Variants in GNAL observed in about 807,000 individuals in gnomAD.
The protein encoded by GNAL is G protein subunit alpha L, also known as guanine nucleotide-binding protein G(olf) subunit alpha.
Under a neutral mutation model 55.1 loss-of-function variants are expected in GNAL, and 18 were observed. The ratio of observed to expected loss-of-function variants is 0.33; its 90% CI spans 0.23 to 0.48. GNAL has a LOEUF of 0.48. GNAL is among the 20% of genes least tolerant of loss of function. The pLI is 0.99. For synonymous variants in GNAL, 253 were observed against 237.0 expected (o/e 1.07, Z -0.62); for missense variants, 412 against 614.1 (o/e 0.67, Z 3.48).
At chr18:11,737,444 C>T (rs911654860) in intron 1 of GNAL, among the ~76,000 whole-genome samples, 1 of 152,198 alleles carries the variant, frequency 6.6e-6, no homozygotes. Context: ...TTCCAAGTCT[C>T]TCTGAATGTT....
chr18:11,785,703 TC>T (rs1396812913), intron 4 of GNAL, among the ~76,000 whole-genome samples: 4 of 152,176 alleles, frequency 2.6e-5, no homozygotes, highest in Admixed American at 2.6e-4. Flanking sequence ...TAAATTGGGT[TC>T]AGGCCGGTGT....
chr18:11,727,071 G>A (rs561829030), intron 1 of GNAL, among the ~76,000 whole-genome samples: 24 of 152,006 alleles, frequency 1.6e-4, no homozygotes, highest in Non-Finnish European at 2.5e-4. Flanking sequence ...GCCCTAGTCC[G>A]CGCTGGGTGC....
chr18:11,717,007 G>C (rs192560194), intron 1 of GNAL, among the ~76,000 whole-genome samples: 1 of 152,352 alleles, frequency 6.6e-6, no homozygotes, highest in Non-Finnish European at 1.5e-5. Flanking sequence ...GGCGGCGCTG[G>C]TCAGGGAGGC....
intron 4 of GNAL, among the ~76,000 whole-genome samples, chr18:11,756,513 A>G (rs2033060827): frequency 6.6e-6 from 1 of 151,382 alleles, no homozygotes; most frequent in African/African-American, 2.4e-5. Context: ...ATGAGAGTAT[A>G]TTTTATATAT....
chr18:11,769,559 T>C (rs2033567633), intron 4 of GNAL, among the ~76,000 whole-genome samples: 1 of 152,204 alleles, frequency 6.6e-6, no homozygotes, highest in Non-Finnish European at 1.5e-5. Context: ...ATGAAGAGCA[T>C]CATCTTTTAG....
chr18:11,768,661 G>A (rs1250767431), intron 4 of GNAL, among the ~76,000 whole-genome samples: 12 of 150,654 alleles, frequency 8.0e-5, no homozygotes, highest in African/African-American at 2.0e-4. Flanking sequence ...TTGGGAGGCC[G>A]AGGCGGGCGG....
chr18:11,864,466 T>C (rs2036216179), intron 6 of GNAL, 67 bp from the exon 7 acceptor site: 3 of 828,056 alleles, frequency 3.6e-6, no homozygotes, highest in Middle Eastern at 2.2e-4. Context: ...GGTATAGTTA[T>C]ACCCGGGCTT....
intron 4 of GNAL, among the ~76,000 whole-genome samples, chr18:11,772,071 A>G (rs1358861385): frequency 6.6e-6 from 1 of 152,122 alleles, no homozygotes; most frequent in African/African-American, 2.4e-5. Flanking sequence ...CATCATACAA[A>G]TCATTTCAAG....
intron 5 of GNAL, 133 bp from the exon 6 acceptor site, chr18:11,862,262 G>C: frequency 1.6e-6 from 1 of 616,436 alleles, no homozygotes; most frequent in East Asian, 2.7e-5. Context: ...AGGAAACAAA[G>C]TAAGAACTCA....
chr18:11,712,315 T>G (rs189491619), intron 1 of GNAL, among the ~76,000 whole-genome samples: 16 of 152,384 alleles, frequency 1.0e-4, no homozygotes, highest in African/African-American at 3.6e-4. Context: ...GGCACTGTGC[T>G]GTGCCAGCTT....
chr18:11,714,822 T>C (rs953036935), intron 1 of GNAL, among the ~76,000 whole-genome samples: 3 of 152,124 alleles, frequency 2.0e-5, no homozygotes, highest in African/African-American at 7.2e-5. Flanking sequence ...GCATAGTGAG[T>C]TTAGGGTCCC....
At chr18:11,699,717 G>A (rs754601432) in intron 1 of GNAL, among the ~76,000 whole-genome samples, 16 of 152,134 alleles carry the variant, frequency 1.1e-4, no homozygotes, top group Non-Finnish European at 1.6e-4. Flanking sequence ...GACAGACAGC[G>A]CACAGAGGAC....
chr18:11,839,622 G>C, intron 5 of GNAL, among the ~76,000 whole-genome samples: 1 of 150,032 alleles, frequency 6.7e-6, no homozygotes, highest in East Asian at 2.0e-4. Flanking sequence ...CTTCATAGCA[G>C]CATTATTCAC....
chr18:11,751,926 G>A lies in GNAL; in HGVS notation c.377-927G>A, dbSNP rs1044542098. On this transcript the variant is annotated intron_variant, in intron 1 of 11. Transcript: ENST00000334049. This position sits in a 1 kb window ranked among gnomAD's most constrained non-coding sequence, Gnocchi z 4.5. ...GCCGGCCCGGCAGGTGCCCATCGTC[G>A]CCCTCTGGGACCCCGGTGGCGCGCT... 2.0e-5 allele frequency among the ~76,000 whole-genome samples: 3 copies of A among 152,178 alleles called. No individual in the cohort carries two copies. The highest frequency in any genetic ancestry group is 2.9e-5 in the Non-Finnish European group (2 of 68,016).
At chr18:11,871,512 G>A (rs1445086809) in intron 9 of GNAL, among the ~76,000 whole-genome samples, 1 of 152,178 alleles carries the variant, frequency 6.6e-6, no homozygotes, top group Non-Finnish European at 1.5e-5. Flanking sequence ...GCCCCACAAA[G>A]TGCTGGGATT....
rs1366984756 is a variant in GNAL, at chr18:11,883,061, T to C, written c.*1926T>C. 6.6e-6 allele frequency: 1 copy of C among 152,244 alleles called. No individual in the cohort carries two copies. The highest frequency in any genetic ancestry group is 1.5e-5 in the Non-Finnish European group (1 of 68,052). The allele number at this position is 152,244 out of a possible 1,614,324, so 9.4% of individuals were successfully genotyped here. ...CATTACTTCATTATTACTCTTCTTT[T>C]AGTCTTTAGTCTTTAATATTTTAAA... On this transcript the variant is annotated 3_prime_UTR_variant, in exon 12 of 12. Coordinates refer to ENST00000334049, the MANE Select transcript of GNAL (RefSeq NM_182978.4).
chr18:11,868,473 G>A lies in GNAL; in HGVS notation c.911-70G>A. On this transcript the variant is annotated intron_variant, in intron 8 of 11. Coordinates refer to ENST00000334049, the MANE Select transcript of GNAL (RefSeq NM_182978.4). This position sits in a 1 kb window ranked among gnomAD's most constrained non-coding sequence, Gnocchi z 4.0. ...TTTTGTGGAACTGAGTAGCTGCTGG[G>A]TGTGTACTTTCTTGTAACTCCACAG... The A allele has an allele frequency of 1.5e-6, 2 of 1,295,330 alleles. No individual in the cohort carries two copies. The highest frequency in any genetic ancestry group is 1.1e-6 in the Non-Finnish European group (1 of 919,818). 80.2% of individuals were successfully genotyped at this position (1,295,330 alleles called of 1,614,324 possible). A position where few individuals can be genotyped will look rare whatever the true frequency, so the allele number is the denominator to read the frequency against.
At chr18:11,796,109 C>T (rs185973754) in intron 4 of GNAL, among the ~76,000 whole-genome samples, 20 of 152,270 alleles carry the variant, frequency 1.3e-4, no homozygotes, top group South Asian at 1.0e-3. Flanking sequence ...CATTCATTAA[C>T]TTTATATACA....
At chr18:11,763,908 G>A (rs1289684770) in intron 4 of GNAL, among the ~76,000 whole-genome samples, 1 of 152,064 alleles carries the variant, frequency 6.6e-6, no homozygotes, top group East Asian at 1.9e-4. Context: ...CCCACACTCA[G>A]AGTTCCTTTG....
Sources: allele counts gnomAD v4.1 joint callset (sites outside exome capture counted in the v4.1 genomes callset), GRCh38; gene constraint gnomAD v4.1.1; non-coding constraint Gnocchi (gnomAD v3.1); transcripts MANE v1.5; gene names NCBI Gene and HGNC (gene_info 2026-07-23, HGNC 2026-07-21).